CSNK2A2IP: variants seen among roughly 807,000 people sequenced by gnomAD.
CSNK2A2IP encodes the protein casein kinase II subunit alpha'-interacting protein.
At chr3:88,339,072 A>C in the CSNK2A2IP span, among the ~76,000 whole-genome samples, 30 of 151,868 alleles carry the variant, frequency 2.0e-4, no homozygotes, top group Non-Finnish European at 2.6e-4. Context: ...TTCTAATTCC[A>C]CTCTTTCAAT....
chr3:88,353,094 A>G, the CSNK2A2IP span, among the ~76,000 whole-genome samples: 10 of 152,196 alleles, frequency 6.6e-5, no homozygotes, highest in African/African-American at 2.4e-4. Context: ...CTGGATGGAT[A>G]CTGCTTTGCG....
At chr3:88,402,683 A>G in the CSNK2A2IP span, among the ~76,000 whole-genome samples, 8 of 150,636 alleles carry the variant, frequency 5.3e-5, no homozygotes, top group Non-Finnish European at 5.9e-5. Context: ...GTAGACACAC[A>G]CATATATATT....
chr3:88,351,254 T>A, the CSNK2A2IP span, among the ~76,000 whole-genome samples: 1 of 152,096 alleles, frequency 6.6e-6, no homozygotes, highest in Non-Finnish European at 1.5e-5. Flanking sequence ...TTCATTCATA[T>A]TAAAAAGTAT....
At chr3:88,358,055 C>T in the CSNK2A2IP span, among the ~76,000 whole-genome samples, 6 of 152,054 alleles carry the variant, frequency 3.9e-5, no homozygotes, top group Admixed American at 3.9e-4. Context: ...TTTTTCACTT[C>T]TTTGGTTAAG....
chr3:88,443,510 C>A, the CSNK2A2IP span, among the ~76,000 whole-genome samples: 2 of 152,046 alleles, frequency 1.3e-5, no homozygotes, highest in Non-Finnish European at 2.9e-5. Flanking sequence ...AAAACAGATG[C>A]CAGCAATAGT....
chr3:88,370,578 T>TTC, the CSNK2A2IP span, among the ~76,000 whole-genome samples: 1 of 139,230 alleles, frequency 7.2e-6, no homozygotes, highest in Non-Finnish European at 1.6e-5. Context: ...CTTCCTTTCT[T>TTC]TCTCTCTCTC....
chr3:88,434,108 T>C, the CSNK2A2IP span, among the ~76,000 whole-genome samples: 1 of 152,158 alleles, frequency 6.6e-6, no homozygotes, highest in Non-Finnish European at 1.5e-5. Flanking sequence ...ACCTAAAATG[T>C]AGACTTGGGG....
chr3:88,399,152 C>T, the CSNK2A2IP span, among the ~76,000 whole-genome samples: 3 of 152,012 alleles, frequency 2.0e-5, no homozygotes, highest in African/African-American at 7.2e-5. Flanking sequence ...ATGCATTCCT[C>T]AACAATAGCA....
chr3:88,457,329 G>T, the CSNK2A2IP span, among the ~76,000 whole-genome samples: 1 of 151,782 alleles, frequency 6.6e-6, no homozygotes, highest in African/African-American at 2.4e-5. Flanking sequence ...CATATTGTTG[G>T]ATTTGACTGG....
the CSNK2A2IP span, among the ~76,000 whole-genome samples, chr3:88,388,398 A>T: frequency 6.6e-6 from 1 of 152,232 alleles, no homozygotes; most frequent in Non-Finnish European, 1.5e-5. Context: ...AATTTGATCA[A>T]GCTTCAATAT....
chr3:88,356,935 C>T, the CSNK2A2IP span, among the ~76,000 whole-genome samples: 1 of 151,870 alleles, frequency 6.6e-6, no homozygotes, highest in African/African-American at 2.4e-5. Context: ...ATTCATTTTT[C>T]AATTAGATGA....
At chr3:88,348,955 C>A in the CSNK2A2IP span, among the ~76,000 whole-genome samples, 83 of 151,570 alleles carry the variant, frequency 5.5e-4, no homozygotes, top group African/African-American at 2.0e-3. Context: ...TATTTTTATT[C>A]CCGAATTGTT....
chr3:88,419,528 C>T, the CSNK2A2IP span, among the ~76,000 whole-genome samples: 2 of 152,036 alleles, frequency 1.3e-5, no homozygotes, highest in Non-Finnish European at 2.9e-5. Flanking sequence ...TAGGTTAATT[C>T]CATGTCTTTG....
At chr3:88,408,712 G>A in the CSNK2A2IP span, among the ~76,000 whole-genome samples, 5 of 152,082 alleles carry the variant, frequency 3.3e-5, no homozygotes, top group Non-Finnish European at 7.4e-5. Context: ...GGGGGCCACT[G>A]TGATCTGGGA....
At chr3:88,395,843 CATTTTT>C in the CSNK2A2IP span, among the ~76,000 whole-genome samples, 1 of 152,110 alleles carries the variant, frequency 6.6e-6, no homozygotes. Context: ...TCCTGTTTCA[CATTTTT>C]ATGTTATTCA....
At chr3:88,435,202 C>T in the CSNK2A2IP span, among the ~76,000 whole-genome samples, 3 of 152,070 alleles carry the variant, frequency 2.0e-5, no homozygotes, top group Non-Finnish European at 4.4e-5. Context: ...TCCATTCTTC[C>T]CCACCTTCCC....
chr3:88,415,587 C>CTA, the CSNK2A2IP span, among the ~76,000 whole-genome samples: 1 of 150,700 alleles, frequency 6.6e-6, no homozygotes, highest in Non-Finnish European at 1.5e-5. Flanking sequence ...TTAAATGAAA[C>CTA]TATAAGAGTG....
the CSNK2A2IP span, among the ~76,000 whole-genome samples, chr3:88,381,638 T>C: frequency 6.6e-6 from 1 of 152,182 alleles, no homozygotes; most frequent in Non-Finnish European, 1.5e-5. Context: ...ACTCCAAGCA[T>C]GGAGACCCAC....
the CSNK2A2IP span, among the ~76,000 whole-genome samples, chr3:88,363,230 C>T: frequency 6.6e-6 from 1 of 152,104 alleles, no homozygotes; most frequent in Non-Finnish European, 1.5e-5. Context: ...TTTAGATGCT[C>T]TTTAATTTTT....
Sources: gnomAD v4.1 joint callset for allele counts (sites outside exome capture counted in the v4.1 genomes callset) on GRCh38, gnomAD v4.1.1 for gene constraint, MANE v1.5 for transcripts, NCBI Gene and HGNC (gene_info 2026-07-23, HGNC 2026-07-21) for gene names.